The following ANKRD11 variants were observed in gnomAD, a reference collection of about 807,000 sequenced individuals.
ANKRD11 encodes ankyrin repeat domain 11.
ANKRD11 carries 17 observed loss-of-function variants against 195.7 expected under a neutral mutation model. That is an observed-to-expected ratio of 0.09 (90% CI 0.06 to 0.13). The LOEUF is 0.13. ANKRD11 is among the 10% of genes least tolerant of loss of function. The probability of loss-of-function intolerance (pLI) is 1.00; values close to 1 mark genes in which losing one functional copy is unlikely to be tolerated. For missense variants in ANKRD11, 3,735 were observed against 3,566.1 expected (o/e 1.05, Z -1.21); for synonymous variants, 1,953 against 1,528.1 (o/e 1.28, Z -6.49).
At chr16:89,276,663 C>T (rs140928545) in intron 9 of ANKRD11, among the ~76,000 whole-genome samples, 141 of 152,346 alleles carry the variant, frequency 9.3e-4, no homozygotes, top group African/African-American at 3.2e-3. Context: ...GTCACCTCCA[C>T]GGCTCCTAAG....
chr16:89,476,698 G>C (rs952759908), intron 1 of ANKRD11, among the ~76,000 whole-genome samples: 7 of 152,200 alleles, frequency 4.6e-5, no homozygotes, highest in Non-Finnish European at 8.8e-5. Context: ...CAACAGTTTG[G>C]ACACATATCC....
chr16:89,394,737 T>C (rs2041351514), intron 2 of ANKRD11, among the ~76,000 whole-genome samples: 1 of 152,210 alleles, frequency 6.6e-6, no homozygotes, highest in African/African-American at 2.4e-5. Flanking sequence ...TCGTGTTTTA[T>C]GACAAAGGCT....
intron 1 of ANKRD11, chr16:89,459,002 G>A (rs1480124197): frequency 1.3e-5 from 2 of 153,058 alleles, no homozygotes; most frequent in Non-Finnish European, 2.9e-5. Context: ...CAGATTCACA[G>A]TGGTGAACTC....
chr16:89,371,043 T>C (rs2040170302), intron 2 of ANKRD11, among the ~76,000 whole-genome samples: 2 of 152,102 alleles, frequency 1.3e-5, no homozygotes, highest in Admixed American at 6.5e-5. Context: ...AGCTGCCCCG[T>C]CTCATGACGA....
intron 2 of ANKRD11, among the ~76,000 whole-genome samples, chr16:89,358,280 C>T (rs932702765): frequency 9.9e-5 from 15 of 152,278 alleles, no homozygotes; most frequent in Non-Finnish European, 5.9e-5. Context: ...GTAGAGCACA[C>T]AGGCGTGTTC....
intron 1 of ANKRD11, among the ~76,000 whole-genome samples, chr16:89,447,751 T>C (rs983052204): frequency 1.3e-5 from 2 of 151,086 alleles, no homozygotes; most frequent in African/African-American, 4.9e-5. Context: ...ATCATGTATT[T>C]ATTACATGTA....
intron 2 of ANKRD11, among the ~76,000 whole-genome samples, chr16:89,361,283 A>G (rs2152057883): frequency 6.6e-6 from 1 of 152,320 alleles, no homozygotes; most frequent in Middle Eastern, 3.4e-3. Context: ...GGGGTGACAC[A>G]GGCCTTCCTT....
intron 2 of ANKRD11, among the ~76,000 whole-genome samples, chr16:89,413,234 G>A (rs917710089): frequency 3.3e-5 from 5 of 152,140 alleles, no homozygotes; most frequent in African/African-American, 1.2e-4. Flanking sequence ...ACTAAACAAT[G>A]GAGTTATTTA....
At chr16:89,460,896 A>G (rs2056630007) in intron 1 of ANKRD11, among the ~76,000 whole-genome samples, 1 of 144,556 alleles carries the variant, frequency 6.9e-6, no homozygotes. Context: ...ATATTGTATG[A>G]CCCCCCACCC....
At chr16:89,408,183 T>C (rs978624172) in intron 2 of ANKRD11, among the ~76,000 whole-genome samples, 4 of 152,130 alleles carry the variant, frequency 2.6e-5, no homozygotes, top group Admixed American at 2.0e-4. Flanking sequence ...AAGCACTGGA[T>C]GCATACAGAT....
In ANKRD11 at chr16:89,407,243, G is replaced by A. The variant is rs530741808; in HGVS notation, c.-60+11041C>T. ...AAAAGAATGACCTAAGAAGGCACAC[G>A]AGGAACATCAGCAAAGGACTGACAG... On this transcript the variant is annotated intron_variant, in intron 2 of 12. Coordinates refer to ENST00000301030, the MANE Select transcript of ANKRD11 (RefSeq NM_013275.6). 5.9e-5 allele frequency among the ~76,000 whole-genome samples: 9 copies of A among 151,900 alleles called. No homozygotes were observed. In the East Asian group the frequency reaches 9.7e-4, roughly 16 times the overall value.
At chr16:89,415,431 A>C (rs2042259122) in intron 2 of ANKRD11, among the ~76,000 whole-genome samples, 1 of 148,536 alleles carries the variant, frequency 6.7e-6, no homozygotes, top group Admixed American at 6.7e-5. Context: ...TGCCCGGCTA[A>C]TTTTTTGTAT....
intron 2 of ANKRD11, among the ~76,000 whole-genome samples, chr16:89,388,255 C>T (rs953836146): frequency 2.0e-5 from 3 of 148,588 alleles, no homozygotes; most frequent in African/African-American, 4.9e-5. Flanking sequence ...AGGGCCCACG[C>T]GGGTGGTGCC....
At chr16:89,428,471 A>G (rs1196308590) in intron 1 of ANKRD11, among the ~76,000 whole-genome samples, 1 of 152,080 alleles carries the variant, frequency 6.6e-6, no homozygotes, top group Non-Finnish European at 1.5e-5. Context: ...GCTTGCAGTG[A>G]GCCGAGACTG....
Position 89,280,718 on chromosome 16 carries a change from C to G in ANKRD11, c.5824G>C (p.Val1942Leu). The G allele has an allele frequency of 6.2e-7, 1 of 1,613,282 alleles. No homozygotes were observed. The highest frequency in any genetic ancestry group is 1.1e-5 in the South Asian group (1 of 91,066). The change falls in exon 9 of 13, where the codon GTC (valine) becomes CTC (leucine). Residue 1942 changes from valine (V) to leucine (L), a missense_variant. Transcript: ENST00000301030. ...CACTCAACGGGCTCCTCGGTGATGA[C>G]GGCGCTGAAGGGACCCTCGTCCAGC... ...EPLDEGPFSA[V>L]ITEEPVEWAH...
intron 1 of ANKRD11, among the ~76,000 whole-genome samples, chr16:89,446,172 T>C (rs1441241593): frequency 6.6e-6 from 1 of 152,080 alleles, no homozygotes; most frequent in East Asian, 1.9e-4. Flanking sequence ...TAGAAAATCC[T>C]TGATCAGTCC....
chr16:89,344,238 G>C (rs1438603455), intron 2 of ANKRD11, among the ~76,000 whole-genome samples: 1 of 152,152 alleles, frequency 6.6e-6, no homozygotes, highest in African/African-American at 2.4e-5. Context: ...AATTACATCT[G>C]CACGGTGCTT....
intron 2 of ANKRD11, among the ~76,000 whole-genome samples, chr16:89,339,058 C>T (rs2038526918): frequency 6.6e-6 from 1 of 152,092 alleles, no homozygotes; most frequent in Admixed American, 6.5e-5. Flanking sequence ...GTCTCTAAAC[C>T]AGGAGGACAG....
chr16:89,318,262 G>A (rs1018496900), intron 2 of ANKRD11, among the ~76,000 whole-genome samples: 1 of 152,138 alleles, frequency 6.6e-6, no homozygotes, highest in East Asian at 1.9e-4. Flanking sequence ...CCCTGCCTGT[G>A]GGCCTTCTAG....
Sources: gnomAD v4.1 joint callset for allele counts (sites outside exome capture counted in the v4.1 genomes callset) on GRCh38, gnomAD v4.1.1 for gene constraint, MANE v1.5 for transcripts, NCBI Gene and HGNC (gene_info 2026-07-23, HGNC 2026-07-21) for gene names.